The following LZTFL1 variants were observed in gnomAD, a reference collection of about 807,000 sequenced individuals.
LZTFL1 encodes leucine zipper transcription factor-like protein 1.
A neutral mutation model predicts 45.9 loss-of-function variants in LZTFL1; 25 were observed. The ratio of observed to expected loss-of-function variants is 0.54; its 90% CI spans 0.40 to 0.76. LZTFL1 has a LOEUF of 0.76. Ranked by LOEUF, LZTFL1 falls within the 30% of genes least tolerant of loss-of-function variation. The pLI, the probability that LZTFL1 is intolerant of heterozygous loss-of-function variation, is 0.00. For synonymous variants in LZTFL1, 93 were observed against 117.4 expected (o/e 0.79, Z 1.35); for missense variants, 277 against 331.1 (o/e 0.84, Z 1.27).
intron 9 of LZTFL1, 76 bp downstream of exon 9, chr3:45,827,280 G>T: frequency 8.6e-7 from 1 of 1,157,188 alleles, no homozygotes; most frequent in Non-Finnish European, 1.3e-6. Flanking sequence ...GACCTCTCTG[G>T]AACAAGCTTA....
upstream of LZTFL1, among the ~76,000 whole-genome samples, chr3:45,842,992 G>T (rs1358337387): frequency 1.3e-5 from 2 of 152,216 alleles, no homozygotes; most frequent in Non-Finnish European, 2.9e-5. Context: ...CCCACAGAAG[G>T]ATCTCAAGCC....
intron 2 of LZTFL1, among the ~76,000 whole-genome samples, chr3:45,906,899 CCT>C (rs1463853654): frequency 2.0e-5 from 3 of 152,206 alleles, no homozygotes; most frequent in African/African-American, 7.2e-5. Context: ...ATCCCTGGCT[CCT>C]CTCTCTCAGA....
At chr3:45,897,575 C>G in intron 2 of LZTFL1, 1 of 1,535,636 alleles carries the variant, frequency 6.5e-7, no homozygotes, top group Non-Finnish European at 8.7e-7. Flanking sequence ...CTCCAGGCCC[C>G]GCTCCAGATC....
At chr3:45,837,256 T>C (rs762478151) in intron 2 of LZTFL1, among the ~76,000 whole-genome samples, 1 of 152,238 alleles carries the variant, frequency 6.6e-6, no homozygotes, top group Non-Finnish European at 1.5e-5. Flanking sequence ...AATTAAATTG[T>C]TGCTTTCATC....
At chr3:45,913,191 C>T in intron 1 of LZTFL1, 1 of 1,506,166 alleles carries the variant, frequency 6.6e-7, no homozygotes, top group Non-Finnish European at 8.9e-7. Flanking sequence ...GAAAATTATA[C>T]AATTACACAA....
At chr3:45,831,602 C>T (rs752329876) in intron 5 of LZTFL1, among the ~76,000 whole-genome samples, 15 of 152,210 alleles carry the variant, frequency 9.9e-5, no homozygotes, top group Admixed American at 3.9e-4. Context: ...ACAGCTCAAA[C>T]ATTTGAATCA....
chr3:45,824,749 G>A lies in LZTFL1; in HGVS notation c.*1565C>T, dbSNP rs1700620733. The stretch of plus-strand genomic sequence containing the variant: ...GCTTCTGAATTACATAGAACATCTT[G>A]GTCCACAGACAATGGAATGGATTTT... On this transcript the variant is annotated 3_prime_UTR_variant, in exon 10 of 10. Transcript: ENST00000296135. 1 of 397,842 alleles carries A rather than the reference G, an allele frequency of 2.5e-6. No individual in the cohort carries two copies. The highest frequency in any genetic ancestry group is 2.1e-5 in the African/African-American group (1 of 48,544). The allele number at this position is 397,842 out of a possible 1,614,324, so 24.6% of individuals were successfully genotyped here. A position where few individuals can be genotyped will look rare whatever the true frequency, so the allele number is the denominator to read the frequency against.
chr3:45,835,433 C>A, intron 3 of LZTFL1, 157 bp downstream of exon 3: 1 of 630,810 alleles, frequency 1.6e-6, no homozygotes. Context: ...CTTAGTGGTA[C>A]CCAAGAGATC....
intron 2 of LZTFL1, among the ~76,000 whole-genome samples, chr3:45,872,147 C>A (rs767220706): frequency 6.6e-6 from 1 of 151,924 alleles, no homozygotes; most frequent in Non-Finnish European, 1.5e-5. Flanking sequence ...AGTCTGGGGG[C>A]TTGAGAAAAT....
intron 2 of LZTFL1, among the ~76,000 whole-genome samples, chr3:45,874,262 A>T (rs1418123971): frequency 1.3e-5 from 2 of 152,160 alleles, no homozygotes; most frequent in African/African-American, 4.8e-5. Flanking sequence ...CACTGAAAAA[A>T]TCTGCGTGCT....
intron 2 of LZTFL1, among the ~76,000 whole-genome samples, chr3:45,861,410 C>T (rs546747034): frequency 1.1e-4 from 17 of 152,146 alleles, no homozygotes; most frequent in African/African-American, 3.9e-4. Flanking sequence ...AGTCAGAAGC[C>T]AGCCAAATAT....
intron 2 of LZTFL1, among the ~76,000 whole-genome samples, chr3:45,867,272 T>C (rs902198455): frequency 6.6e-6 from 1 of 152,170 alleles, no homozygotes; most frequent in Non-Finnish European, 1.5e-5. Flanking sequence ...TAATAATATC[T>C]TCCTCTCAAG....
chr3:45,898,088 C>T (rs537009347), intron 2 of LZTFL1, among the ~76,000 whole-genome samples: 5 of 151,808 alleles, frequency 3.3e-5, no homozygotes, highest in Non-Finnish European at 7.4e-5. Context: ...ACAGTCGGTA[C>T]TTGCTCATCT....
chr3:45,865,007 G>A (rs777331330), intron 2 of LZTFL1, among the ~76,000 whole-genome samples: 1 of 152,164 alleles, frequency 6.6e-6, no homozygotes, highest in African/African-American at 2.4e-5. Flanking sequence ...TCTGAGGAAC[G>A]TGAAACAAGC....
chr3:45,859,059 A>G (rs1024100746), intron 2 of LZTFL1: 5 of 152,238 alleles, frequency 3.3e-5, no homozygotes, highest in African/African-American at 4.8e-5. Flanking sequence ...AATGACTGAC[A>G]GTAGAATCTA....
intron 4 of LZTFL1, 116 bp from the exon 5 acceptor site, chr3:45,833,237 G>A: frequency 1.4e-6 from 1 of 712,040 alleles, no homozygotes; most frequent in Non-Finnish European, 2.4e-6. Flanking sequence ...TCACTGCGAT[G>A]TCAGTTCCAC....
In LZTFL1 at chr3:45,824,356, T is replaced by G. The variant is rs1366284666; in HGVS notation, c.*1958A>C. On this transcript the variant is annotated 3_prime_UTR_variant, in exon 10 of 10. Coordinates refer to ENST00000296135, the MANE Select transcript of LZTFL1 (RefSeq NM_020347.4). ...TAAAACTGTATTTTGCTAAAGGGTATAGAGTAAATAACAACAACAACAACA... is the reference window on the plus strand; with the variant it reads ...TAAAACTGTATTTTGCTAAAGGGTAGAGAGTAAATAACAACAACAACAACA... The G allele has an allele frequency of 6.7e-6, 1 of 148,998 alleles. No individual in the cohort carries two copies. The highest frequency in any genetic ancestry group is 1.5e-5 in the Non-Finnish European group (1 of 67,662). The allele number at this position is 148,998 out of a possible 1,614,324, so 9.2% of individuals were successfully genotyped here. A position where few individuals can be genotyped will look rare whatever the true frequency, so the allele number is the denominator to read the frequency against.
chr3:45,901,418 G>A lies in LZTFL1; in HGVS notation c.-215+11702C>T. ...ACCCTAGCGATGAGAGCACCAAACT[G>A]AAGTCAGCTGTCTTGACCCTGAAGG... is the stretch of plus-strand genomic sequence containing the variant. On this transcript the variant is annotated intron_variant, in intron 2 of 4. Coordinates refer to the LZTFL1 transcript ENST00000472635. The surrounding 1 kb of genome is among the most constrained non-coding windows in gnomAD (Gnocchi z 4.3). 1 of 1,614,166 alleles carries A rather than the reference G, an allele frequency of 6.2e-7. No homozygotes were observed. Among genetic ancestry groups the A allele is most frequent in the East Asian group, 2.2e-5 (1 of 44,878 alleles).
intron 4 of LZTFL1, among the ~76,000 whole-genome samples, chr3:45,853,315 A>C (rs1701334565): frequency 6.6e-6 from 1 of 152,240 alleles, no homozygotes; most frequent in Non-Finnish European, 1.5e-5. Flanking sequence ...ATCATGTAGG[A>C]ATATTATGAA....
Sources: allele counts gnomAD v4.1 joint callset (sites outside exome capture counted in the v4.1 genomes callset), GRCh38; gene constraint gnomAD v4.1.1; non-coding constraint Gnocchi (gnomAD v3.1); transcripts MANE v1.5; gene names NCBI Gene and HGNC (gene_info 2026-07-23, HGNC 2026-07-21).